Variants in CDH12 observed in about 807,000 individuals in gnomAD.
CDH12 encodes the protein cadherin-12.
A neutral mutation model predicts 74.1 loss-of-function variants in CDH12; 41 were observed. The observed-to-expected ratio is 0.55, with a 90% CI of 0.43 to 0.72. The LOEUF (loss-of-function observed/expected upper bound fraction) is 0.72, where lower values mean the gene tolerates loss of function less well. Ranked by LOEUF, CDH12 falls within the 30% of genes least tolerant of loss-of-function variation. The pLI, the probability that CDH12 is intolerant of heterozygous loss-of-function variation, is 0.00. For missense variants in CDH12, 945 were observed against 977.2 expected, an observed-to-expected ratio of 0.97 and a Z score of 0.44; for synonymous variants, 399 against 355.0, an observed-to-expected ratio of 1.12 and a Z score of -1.39.
chr5:22,439,795 A>C (rs1744552094), intron 2 of CDH12, among the ~76,000 whole-genome samples: 1 of 152,088 alleles, frequency 6.6e-6, no homozygotes, highest in Non-Finnish European at 1.5e-5. Flanking sequence ...AGAATCTGAT[A>C]AGTTCTTAAA....
chr5:21,760,791 C>A, intron 12 of CDH12, 116 bp from the exon 13 acceptor site: 2 of 709,522 alleles, frequency 2.8e-6, no homozygotes, highest in Non-Finnish European at 5.1e-6. Context: ...CTTTTTGAAT[C>A]AATACCAGTA....
At chr5:22,849,560 C>G (rs1305553520) in intron 1 of CDH12, among the ~76,000 whole-genome samples, 1 of 152,076 alleles carries the variant, frequency 6.6e-6, no homozygotes, top group African/African-American at 2.4e-5. Context: ...CATCATTCAG[C>G]CATTTGAACA....
chr5:22,116,710 C>A (rs1281277068), intron 4 of CDH12, among the ~76,000 whole-genome samples: 1 of 151,974 alleles, frequency 6.6e-6, no homozygotes, highest in Non-Finnish European at 1.5e-5. Context: ...AGCCCCACCA[C>A]AGTAGACTTC....
intron 3 of CDH12, among the ~76,000 whole-genome samples, chr5:22,360,703 C>A (rs912454095): frequency 6.6e-6 from 1 of 152,144 alleles, no homozygotes; most frequent in Non-Finnish European, 1.5e-5. Context: ...CAAACTGAAT[C>A]CAGCAGCATG....
intron 5 of CDH12, among the ~76,000 whole-genome samples, chr5:21,988,760 T>C (rs1316821315): frequency 6.6e-6 from 1 of 152,104 alleles, no homozygotes; most frequent in Non-Finnish European, 1.5e-5. Context: ...GAGACAAACA[T>C]TAAATTTTCA....
chr5:21,892,635 A>G (rs1194545908), intron 6 of CDH12, among the ~76,000 whole-genome samples: 1 of 152,190 alleles, frequency 6.6e-6, no homozygotes, highest in Non-Finnish European at 1.5e-5. Flanking sequence ...ATTTTAATAA[A>G]TATATAAAGT....
intron 3 of CDH12, among the ~76,000 whole-genome samples, chr5:22,370,005 T>TA (rs202166727): frequency 1.3e-4 from 20 of 152,148 alleles, no homozygotes; most frequent in Admixed American, 3.3e-4. Context: ...TTTATGTACT[T>TA]AAAAAAAATT....
intron 5 of CDH12, among the ~76,000 whole-genome samples, chr5:22,028,816 C>T (rs1273498095): frequency 6.6e-6 from 1 of 152,086 alleles, no homozygotes; most frequent in Non-Finnish European, 1.5e-5. Context: ...CAAACCTAAG[C>T]CAAAAGAACA....
intron 1 of CDH12, among the ~76,000 whole-genome samples, chr5:22,850,756 G>T (rs1331286960): frequency 6.6e-6 from 1 of 152,048 alleles, no homozygotes; most frequent in Non-Finnish European, 1.5e-5. Context: ...TTACAACAGA[G>T]TCTGCTAGTA....
chr5:22,164,739 A>T (rs577684623), intron 4 of CDH12, among the ~76,000 whole-genome samples: 8,285 of 148,402 alleles, frequency 0.056, 252 homozygotes, highest in Non-Finnish European at 0.062. Context: ...TTTTTGCCAA[A>T]TTAGCATTTA....
intron 6 of CDH12, among the ~76,000 whole-genome samples, chr5:21,934,114 CCACACACACACACT>C (rs1301874905): frequency 1.3e-5 from 2 of 151,438 alleles, no homozygotes; most frequent in African/African-American, 4.9e-5. Flanking sequence ...TTACACACAC[CCACACACACACACT>C]CACACACACA....
chr5:22,387,260 T>A (rs1315888576), intron 3 of CDH12, among the ~76,000 whole-genome samples: 1 of 151,498 alleles, frequency 6.6e-6, no homozygotes, highest in Non-Finnish European at 1.5e-5. Context: ...TTTAAAAACA[T>A]TACAATTTTT....
At chr5:22,207,021 G>T (rs957904696) in intron 4 of CDH12, among the ~76,000 whole-genome samples, 60 of 151,360 alleles carry the variant, frequency 4.0e-4, no homozygotes, top group African/African-American at 1.4e-3. Context: ...AGACCATCCT[G>T]GCTAACATGG....
At chr5:22,190,659 A>G (rs1198257400) in intron 4 of CDH12, among the ~76,000 whole-genome samples, 4 of 152,118 alleles carry the variant, frequency 2.6e-5, no homozygotes, top group African/African-American at 4.8e-5. Context: ...AATACTGTCC[A>G]TATCTGTGAC....
chr5:22,703,027 T>C (rs13161449), intron 1 of CDH12, among the ~76,000 whole-genome samples: 92,029 of 151,954 alleles, frequency 0.61, 28,399 homozygotes, highest in Admixed American at 0.7. Flanking sequence ...CCTCTCAATG[T>C]TTCATTACCC....
intron 9 of CDH12, 126 bp downstream of exon 9, chr5:21,816,817 CAT>C: frequency 1.8e-6 from 1 of 567,216 alleles, no homozygotes; most frequent in Non-Finnish European, 2.8e-6. Context: ...CCAACTCTCA[CAT>C]GGTTCAAGGG....
chr5:22,263,398 C>T (rs1249628798), intron 3 of CDH12, among the ~76,000 whole-genome samples: 1 of 152,036 alleles, frequency 6.6e-6, no homozygotes, highest in South Asian at 2.1e-4. Flanking sequence ...TCCATTGCAA[C>T]AGTGTTAATA....
intron 10 of CDH12, among the ~76,000 whole-genome samples, chr5:21,796,107 A>C (rs1356167039): frequency 6.6e-6 from 1 of 152,062 alleles, no homozygotes; most frequent in Non-Finnish European, 1.5e-5. Context: ...TAGAAAGATC[A>C]TTAAACAAAA....
chr5:22,306,747 A>G (rs147044934), intron 3 of CDH12, among the ~76,000 whole-genome samples: 2 of 152,284 alleles, frequency 1.3e-5, no homozygotes, highest in African/African-American at 4.8e-5. Context: ...AGTTTTTAGA[A>G]AAGTTTGCAT....
Sources: gnomAD v4.1 joint callset for allele counts (sites outside exome capture counted in the v4.1 genomes callset) on GRCh38, gnomAD v4.1.1 for gene constraint, MANE v1.5 for transcripts, NCBI Gene and HGNC (gene_info 2026-07-23, HGNC 2026-07-21) for gene names.